S100Z: variants seen among roughly 807,000 people sequenced by gnomAD.
The protein encoded by S100Z is S100 calcium binding protein Z, also known as protein S100-Z.
A neutral mutation model predicts 8.5 loss-of-function variants in S100Z; 11 were observed. The observed-to-expected ratio is 1.30, with a 90% CI of 0.82 to 2.15. The LOEUF (loss-of-function observed/expected upper bound fraction) is 2.15, where lower values mean the gene tolerates loss of function less well. S100Z is among the 30% of genes most tolerant of loss of function. The pLI, the probability that S100Z is intolerant of heterozygous loss-of-function variation, is 0.00. For synonymous variants in S100Z, 34 were observed against 43.8 expected, an observed-to-expected ratio of 0.78 and a Z score of 0.89; for missense variants, 126 against 117.9, an observed-to-expected ratio of 1.07 and a Z score of -0.32.
chr5:76,925,960 C>A (rs188998558), downstream of S100Z, among the ~76,000 whole-genome samples: 1 of 152,178 alleles, frequency 6.6e-6, no homozygotes, highest in African/African-American at 2.4e-5. Flanking sequence ...GAGTGAGACT[C>A]CATCTTAAGA....
chr5:76,931,988 G>A, the S100Z span, among the ~76,000 whole-genome samples: 338 of 151,838 alleles, frequency 2.2e-3, 1 homozygote, highest in African/African-American at 7.6e-3. Context: ...CCACTAGTGC[G>A]GATTTTTCTA....
intron 4 of S100Z, among the ~76,000 whole-genome samples, chr5:76,879,049 G>A (rs575719647): frequency 1.2e-4 from 19 of 152,228 alleles, no homozygotes; most frequent in African/African-American, 4.8e-5. Context: ...TCTAACAGCC[G>A]GTGTGGGGCT....
At chr5:76,938,924 A>T in the S100Z span, among the ~76,000 whole-genome samples, 1 of 152,200 alleles carries the variant, frequency 6.6e-6, no homozygotes, top group Non-Finnish European at 1.5e-5. Context: ...CTGTCTTCAT[A>T]TCTCACTGCC....
intron 4 of S100Z, among the ~76,000 whole-genome samples, chr5:76,914,212 G>A (rs1009630735): frequency 4.6e-5 from 7 of 152,060 alleles, no homozygotes; most frequent in African/African-American, 9.7e-5. Context: ...AGCGGTCATC[G>A]GCCAAATTCC....
chr5:76,860,904 TA>T (rs1303463458), intron 1 of S100Z, among the ~76,000 whole-genome samples: 1 of 152,236 alleles, frequency 6.6e-6, no homozygotes, highest in Admixed American at 6.5e-5. Flanking sequence ...TGGAACATTC[TA>T]ATAGAAGAAA....
intron 1 of S100Z, among the ~76,000 whole-genome samples, chr5:76,866,651 C>T (rs1209256356): frequency 6.6e-6 from 1 of 152,152 alleles, no homozygotes; most frequent in Non-Finnish European, 1.5e-5. Context: ...ATTACAGTTG[C>T]CTGCAGTATT....
chr5:76,939,832 TTTTAAAATTGGCACGTCTGACTCC>T, the S100Z span, among the ~76,000 whole-genome samples: 1 of 151,966 alleles, frequency 6.6e-6, no homozygotes, highest in Non-Finnish European at 1.5e-5. Flanking sequence ...TTTTCAATGT[TTTTAAAATTGGCACGTCTGACTCC>T]TTTAAAAAAT....
intron 1 of S100Z, among the ~76,000 whole-genome samples, chr5:76,856,776 T>TA (rs746124932): frequency 2.0e-5 from 3 of 152,196 alleles, no homozygotes; most frequent in Non-Finnish European, 4.4e-5. Flanking sequence ...ATTGTACTGA[T>TA]ACGACTCTCA....
intron 4 of S100Z, among the ~76,000 whole-genome samples, chr5:76,885,639 A>G: frequency 7.1e-6 from 1 of 141,452 alleles, no homozygotes; most frequent in African/African-American, 2.6e-5. Context: ...GCCCCCCAGG[A>G]AAGTGGGAAC....
chr5:76,952,887 G>C, the S100Z span: 1 of 523,138 alleles, frequency 1.9e-6, no homozygotes, highest in Admixed American at 3.1e-5. Context: ...GCTGGGCCAC[G>C]CTGAAAATTT....
intron 4 of S100Z, among the ~76,000 whole-genome samples, chr5:76,893,485 G>T (rs1218482565): frequency 6.6e-6 from 1 of 151,934 alleles, no homozygotes; most frequent in Admixed American, 6.6e-5. Flanking sequence ...CAAGGTTGCA[G>T]TGAGCTGTGA....
chr5:76,939,973 C>T, the S100Z span, among the ~76,000 whole-genome samples: 1 of 151,842 alleles, frequency 6.6e-6, no homozygotes, highest in Admixed American at 6.6e-5. Flanking sequence ...TTCTGACCAA[C>T]ATGGTGAAAC....
intron 4 of S100Z, among the ~76,000 whole-genome samples, chr5:76,907,725 G>T (rs1265638306): frequency 1.3e-5 from 2 of 152,112 alleles, no homozygotes; most frequent in African/African-American, 4.8e-5. Flanking sequence ...TATAGTGGTT[G>T]CCAAGTAGCC....
chr5:76,866,764 T>C (rs1316361114), intron 1 of S100Z, among the ~76,000 whole-genome samples: 3 of 152,242 alleles, frequency 2.0e-5, no homozygotes, highest in Non-Finnish European at 4.4e-5. Flanking sequence ...TGTGTAAGTA[T>C]ACCCTATGAT....
intron 2 of S100Z, among the ~76,000 whole-genome samples, chr5:76,872,708 C>G (rs1162481152): frequency 6.6e-6 from 1 of 152,100 alleles, no homozygotes; most frequent in Non-Finnish European, 1.5e-5. Context: ...CACCTGTAAT[C>G]CCAGCATTTT....
intron 1 of S100Z, among the ~76,000 whole-genome samples, chr5:76,859,823 G>A (rs569930290): frequency 1.5e-4 from 22 of 147,256 alleles, no homozygotes; most frequent in South Asian, 9.2e-4. Context: ...ACAGGGAGGC[G>A]AACTCCCAAC....
rs573599533 is a variant in S100Z, at chr5:76,879,088, G to A, written c.*2+1254G>A. Among the ~76,000 whole-genome samples, 72 of 152,280 alleles carry A rather than the reference G, an allele frequency of 4.7e-4. 1 individual carries two copies. The South Asian group carries it at 0.014, about 31-fold the overall frequency. The stretch of plus-strand genomic sequence containing the variant: ...AATAGTTCTGGACAATGTGAGACAA[G>A]CAGAAGGCTACTGGGAATTTCTGGG... On this transcript the variant is annotated intron_variant, in intron 4 of 4. Transcript: ENST00000317593.
the S100Z span, among the ~76,000 whole-genome samples, chr5:76,929,796 T>C: frequency 1.3e-5 from 2 of 152,186 alleles, no homozygotes; most frequent in East Asian, 3.8e-4. Context: ...AACCAATAGC[T>C]GGTTGATGGG....
chr5:76,912,030 T>C (rs1744681107), intron 4 of S100Z, among the ~76,000 whole-genome samples: 1 of 152,080 alleles, frequency 6.6e-6, no homozygotes, highest in Non-Finnish European at 1.5e-5. Flanking sequence ...CATACCTAAG[T>C]AAGGAAATTG....
Sources: gnomAD v4.1 joint callset for allele counts (sites outside exome capture counted in the v4.1 genomes callset) on GRCh38, gnomAD v4.1.1 for gene constraint, MANE v1.5 for transcripts, NCBI Gene and HGNC (gene_info 2026-07-23, HGNC 2026-07-21) for gene names.